AGK: variants seen among roughly 807,000 people sequenced by gnomAD.
AGK encodes the protein acylglycerol kinase, mitochondrial.
AGK carries 52 observed loss-of-function variants against 66.4 expected under a neutral mutation model. That is an observed-to-expected ratio of 0.78 (90% CI 0.63 to 0.99). AGK has a LOEUF of 0.99. Ranked by LOEUF, AGK falls within the 50% of genes least tolerant of loss-of-function variation. The probability of loss-of-function intolerance (pLI) is 0.00; values close to 1 mark genes in which losing one functional copy is unlikely to be tolerated. For synonymous variants in AGK, 182 were observed against 181.1 expected (o/e 1.00, Z -0.04); for missense variants, 451 against 506.6 (o/e 0.89, Z 1.05).
At chr7:141,599,972 C>T (rs1261702529) in intron 4 of AGK, among the ~76,000 whole-genome samples, 2 of 152,088 alleles carry the variant, frequency 1.3e-5, no homozygotes, top group East Asian at 1.9e-4. Flanking sequence ...GTTCTATATG[C>T]CATTTGGTGG....
Position 141,593,153 on chromosome 7 carries a change from C to G in AGK, c.109C>G (p.Leu37Val). 1 of 1,611,586 alleles carries G rather than the reference C, an allele frequency of 6.2e-7. No individual in the cohort carries two copies. Residue 37 changes from leucine to valine, a missense_variant, in exon 3 of 16, where the codon CTC becomes GTC. Leu to Val is a conservative substitution (Grantham distance 32, BLOSUM62 1). Coordinates refer to ENST00000649286, the MANE Select transcript of AGK (RefSeq NM_018238.4). ...HWLYGKHCDN[L>V]LRRAACQEAQ... ...TTTTGCTTACTTTGATAGTGATAAC[C>G]TCCTAAGGAGAGCAGCCTGTCAAGA...
At chr7:141,647,692 C>T (rs367858301) in intron 13 of AGK, among the ~76,000 whole-genome samples, 6 of 152,272 alleles carry the variant, frequency 3.9e-5, no homozygotes, top group African/African-American at 7.2e-5. Flanking sequence ...TTGATTGAGA[C>T]GGAGTTTGAC....
chr7:141,614,267 A>G (rs1434933536), intron 7 of AGK, 89 bp downstream of exon 7: 7 of 1,009,118 alleles, frequency 6.9e-6, no homozygotes, highest in African/African-American at 1.7e-5. Context: ...TTTCCATTGT[A>G]TATTTTAAAA....
chr7:141,559,100 TA>T (rs1795280841), intron 2 of AGK, among the ~76,000 whole-genome samples: 1 of 152,184 alleles, frequency 6.6e-6, no homozygotes, highest in Admixed American at 6.5e-5. Flanking sequence ...TGTCCTTTGA[TA>T]TATATTGTTT....
In AGK at chr7:141,618,209, G is replaced by T. The variant is rs143743963; in HGVS notation, c.518+2644G>T. Reference sequence around the variant, plus strand: ...GATGGGGAGGCCTGTAGAGCACCCAGATTTTAGATGTGGATTTTTTCTTTG... The same window carrying T: ...GATGGGGAGGCCTGTAGAGCACCCATATTTTAGATGTGGATTTTTTCTTTG... On this transcript the variant is annotated intron_variant, in intron 8 of 15. Coordinates refer to ENST00000649286, the MANE Select transcript of AGK (RefSeq NM_018238.4). Among the ~76,000 whole-genome samples the T allele has an allele frequency of 1.7e-4, 26 of 152,288 alleles. No individual in the cohort carries two copies. The East Asian group carries it at 4.8e-3, about 28-fold the overall frequency.
chr7:141,644,269 CAGTG>C (rs1326520236), intron 13 of AGK, among the ~76,000 whole-genome samples: 1 of 152,114 alleles, frequency 6.6e-6, no homozygotes, highest in Non-Finnish European at 1.5e-5. Context: ...GGATTGAGTT[CAGTG>C]AGTATGTGAG....
At chr7:141,596,026 A>G (rs1233565050) in intron 3 of AGK, among the ~76,000 whole-genome samples, 1 of 152,214 alleles carries the variant, frequency 6.6e-6, no homozygotes, top group Non-Finnish European at 1.5e-5. Context: ...GGTATATATT[A>G]GTTATGTTTC....
intron 5 of AGK, among the ~76,000 whole-genome samples, chr7:141,603,700 T>C (rs962959122): frequency 6.6e-6 from 1 of 152,182 alleles, no homozygotes; most frequent in African/African-American, 2.4e-5. Flanking sequence ...TAGTCTCGCC[T>C]GGGCTCATAG....
At chr7:141,593,047 G>C (rs1211591539) in intron 2 of AGK, 99 bp from the exon 3 acceptor site, 4 of 985,108 alleles carry the variant, frequency 4.1e-6, no homozygotes, top group Middle Eastern at 3.1e-4. Context: ...TGTTTTTAGA[G>C]AAGAGGTGCC....
intron 2 of AGK, among the ~76,000 whole-genome samples, chr7:141,583,898 T>A (rs1324894677): frequency 6.6e-6 from 1 of 151,814 alleles, no homozygotes; most frequent in Non-Finnish European, 1.5e-5. Context: ...GCCGCTTACC[T>A]GATTTAAAAT....
At chr7:141,636,223 C>G (rs905658936) in intron 10 of AGK, among the ~76,000 whole-genome samples, 12 of 152,058 alleles carry the variant, frequency 7.9e-5, no homozygotes, top group Non-Finnish European at 1.8e-4. Flanking sequence ...TGCATATGTG[C>G]ATTTGTGTGT....
intron 6 of AGK, among the ~76,000 whole-genome samples, chr7:141,613,693 A>G (rs1043471815): frequency 6.6e-6 from 1 of 152,088 alleles, no homozygotes; most frequent in Non-Finnish European, 1.5e-5. Flanking sequence ...GTATTTAGGT[A>G]TTTTTCAGTT....
At position 141,555,407 on chromosome 7, in the gene AGK, C is replaced by T. The variant is rs1233474085; in HGVS notation, c.-14-46C>T. 2 of 1,332,822 alleles carry T rather than the reference C, an allele frequency of 1.5e-6. No individual in the cohort carries two copies. The highest frequency in any genetic ancestry group is 2.9e-5 in the African/African-American group (2 of 68,550). The allele number at this position is 1,332,822 out of a possible 1,614,324, so 82.6% of individuals were successfully genotyped here. A position where few individuals can be genotyped will look rare whatever the true frequency, so the allele number is the denominator to read the frequency against. ...AGTAATAGGGACATTACATGAAGAC[C>T]ATGGATAAATTATATTTTTTTCTCT... On this transcript the variant is annotated intron_variant, in intron 1 of 15. Coordinates refer to ENST00000649286, the MANE Select transcript of AGK (RefSeq NM_018238.4). The surrounding 1 kb of genome is among the most constrained non-coding windows in gnomAD (Gnocchi z 4.2).
intron 9 of AGK, among the ~76,000 whole-genome samples, chr7:141,627,545 C>T (rs557481441): frequency 2.0e-5 from 3 of 152,240 alleles, no homozygotes; most frequent in Non-Finnish European, 4.4e-5. Context: ...AACTGGTGAA[C>T]CCATGGGCTT....
chr7:141,582,045 T>C (rs1187957229), intron 2 of AGK, among the ~76,000 whole-genome samples: 1 of 152,046 alleles, frequency 6.6e-6, no homozygotes, highest in African/African-American at 2.4e-5. Flanking sequence ...GTGTCTGTGA[T>C]GGTCCAAGAA....
chr7:141,616,172 A>G (rs1796697915), intron 8 of AGK: 1 of 152,200 alleles, frequency 6.6e-6, no homozygotes, highest in African/African-American at 2.4e-5. Context: ...GGCATTATGT[A>G]AACAAAGCTC....
chr7:141,593,643 C>T (rs1796169206), intron 3 of AGK: 1 of 412,466 alleles, frequency 2.4e-6, no homozygotes. Flanking sequence ...ATCATGTACA[C>T]TGTTATATTC....
chr7:141,649,816 C>G (rs907796465), intron 14 of AGK, among the ~76,000 whole-genome samples: 2 of 152,242 alleles, frequency 1.3e-5, no homozygotes, highest in Middle Eastern at 3.2e-3. Context: ...GTATCCATTA[C>G]TATTTATGTC....
At chr7:141,625,394 G>A (rs1180475084) in intron 9 of AGK, among the ~76,000 whole-genome samples, 1 of 151,968 alleles carries the variant, frequency 6.6e-6, no homozygotes. Flanking sequence ...CTGTCACCGA[G>A]GCTGGAGTGC....
Sources: gnomAD v4.1 joint callset for allele counts (sites outside exome capture counted in the v4.1 genomes callset) on GRCh38, gnomAD v4.1.1 for gene constraint, Gnocchi (gnomAD v3.1) non-coding constraint, MANE v1.5 for transcripts, NCBI Gene and HGNC (gene_info 2026-07-23, HGNC 2026-07-21) for gene names.